CDK14: variants seen among roughly 807,000 people sequenced by gnomAD.
The protein encoded by CDK14 is cyclin-dependent kinase 14.
A neutral mutation model predicts 60.7 loss-of-function variants in CDK14; 34 were observed. That is an observed-to-expected ratio of 0.56 (90% CI 0.43 to 0.75). The LOEUF is 0.75. Among genes scored for constraint, CDK14 ranks in the 30% least tolerant of loss-of-function variants. The pLI is 0.00. For missense variants in CDK14, 482 were observed against 564.1 expected, an observed-to-expected ratio of 0.85 and a Z score of 1.47; for synonymous variants, 197 against 203.7, an observed-to-expected ratio of 0.97 and a Z score of 0.28.
intron 2 of CDK14, among the ~76,000 whole-genome samples, chr7:90,678,663 G>A (rs1342643146): frequency 1.3e-5 from 2 of 152,004 alleles, no homozygotes; most frequent in Admixed American, 1.3e-4. Flanking sequence ...TTAAAATAGA[G>A]GATTTAATGA....
chr7:90,902,165 A>G (rs2117362567), intron 7 of CDK14, among the ~76,000 whole-genome samples: 1 of 152,258 alleles, frequency 6.6e-6, no homozygotes, highest in African/African-American at 2.4e-5. Flanking sequence ...TTAAAATACC[A>G]TTCTACCAAA....
rs1265277865 is a variant in CDK14 at position 90,767,261 on chromosome 7, G to A, written c.464+19486G>A. ...CTCACTGAGTCATGCAGGCCTGGATGTCTGCCTTGGCCTATTTCTTGACCA... is the reference window on the plus strand; with the variant it reads ...CTCACTGAGTCATGCAGGCCTGGATATCTGCCTTGGCCTATTTCTTGACCA... On this transcript the variant is annotated intron_variant, in intron 4 of 14. Coordinates refer to ENST00000380050, the MANE Select transcript of CDK14 (RefSeq NM_001287135.2). 2.6e-5 allele frequency among the ~76,000 whole-genome samples: 4 copies of A among 152,204 alleles called. No individual in the cohort carries two copies. The East Asian group carries it at 7.7e-4, about 29-fold the overall frequency.
At chr7:91,172,996 G>C (rs1217765591) in intron 14 of CDK14, among the ~76,000 whole-genome samples, 1 of 152,064 alleles carries the variant, frequency 6.6e-6, no homozygotes, top group Non-Finnish European at 1.5e-5. Context: ...TTCCCATGTT[G>C]TTCTAAAATT....
At chr7:90,678,122 T>C (rs1801237348) in intron 2 of CDK14, among the ~76,000 whole-genome samples, 1 of 152,198 alleles carries the variant, frequency 6.6e-6, no homozygotes, top group South Asian at 2.1e-4. Context: ...ACAGCCTTTG[T>C]TGAGGAACAG....
At chr7:90,773,517 T>C (rs976727408) in intron 4 of CDK14, among the ~76,000 whole-genome samples, 1 of 151,978 alleles carries the variant, frequency 6.6e-6, no homozygotes, top group South Asian at 2.1e-4. Flanking sequence ...GCTTTTACTT[T>C]ATTTTTAGAG....
chr7:90,975,486 A>G (rs1795042300), intron 9 of CDK14, among the ~76,000 whole-genome samples: 1 of 151,702 alleles, frequency 6.6e-6, no homozygotes, highest in Admixed American at 6.6e-5. Flanking sequence ...TGTTGGAAAC[A>G]TTCAATATCT....
chr7:91,139,925 C>G (rs1290344711), intron 14 of CDK14, among the ~76,000 whole-genome samples: 1 of 151,504 alleles, frequency 6.6e-6, no homozygotes, highest in Non-Finnish European at 1.5e-5. Flanking sequence ...AGACGAAGTA[C>G]AGTTTCCCTA....
intron 10 of CDK14, among the ~76,000 whole-genome samples, chr7:91,008,797 T>G (rs537566275): frequency 2.0e-5 from 3 of 152,362 alleles, no homozygotes; most frequent in South Asian, 4.1e-4. Context: ...AAAGTTGTAT[T>G]CCATGTTAAA....
chr7:90,922,890 G>A (rs1404733453), intron 8 of CDK14, among the ~76,000 whole-genome samples: 2 of 152,106 alleles, frequency 1.3e-5, no homozygotes, highest in Middle Eastern at 3.4e-3. Flanking sequence ...AAATTAAACA[G>A]AAAATACAGA....
At chr7:91,181,483 G>A (rs1801999432) in intron 14 of CDK14, among the ~76,000 whole-genome samples, 1 of 152,046 alleles carries the variant, frequency 6.6e-6, no homozygotes, top group South Asian at 2.1e-4. Context: ...TCATTTCCTA[G>A]ATCCACTAAT....
At chr7:91,197,821 G>A (rs1802594064) in intron 14 of CDK14, among the ~76,000 whole-genome samples, 1 of 152,230 alleles carries the variant, frequency 6.6e-6, no homozygotes, top group Non-Finnish European at 1.5e-5. Flanking sequence ...ACATGCTATG[G>A]TGGGATAACT....
chr7:91,032,596 T>C (rs982660737), intron 10 of CDK14, among the ~76,000 whole-genome samples: 5 of 152,052 alleles, frequency 3.3e-5, no homozygotes, highest in African/African-American at 1.2e-4. Context: ...GAGGCAGAAA[T>C]TGGAGTGATG....
chr7:90,787,047 T>C (rs1371462278), intron 4 of CDK14, among the ~76,000 whole-genome samples: 1 of 152,148 alleles, frequency 6.6e-6, no homozygotes, highest in East Asian at 1.9e-4. Context: ...TGACTTAACA[T>C]TTTTACCAGG....
intron 5 of CDK14, among the ~76,000 whole-genome samples, chr7:90,844,923 C>G (rs1284259516): frequency 6.6e-6 from 1 of 152,098 alleles, no homozygotes; most frequent in African/African-American, 2.4e-5. Context: ...TTAGCTCTGG[C>G]TTCATTCTAA....
intron 6 of CDK14, among the ~76,000 whole-genome samples, chr7:90,894,758 T>C (rs767150294): frequency 6.6e-5 from 10 of 152,326 alleles, no homozygotes; most frequent in Middle Eastern, 3.4e-3. Flanking sequence ...ATACATGCCA[T>C]ATATATAACA....
At chr7:90,806,179 C>A (rs944340370) in intron 5 of CDK14, among the ~76,000 whole-genome samples, 8 of 152,104 alleles carry the variant, frequency 5.3e-5, no homozygotes, top group Non-Finnish European at 1.0e-4. Context: ...AAAGTTAAAA[C>A]TTCTGGAAGG....
chr7:90,857,734 A>T (rs976656870), intron 5 of CDK14, among the ~76,000 whole-genome samples: 2 of 152,188 alleles, frequency 1.3e-5, no homozygotes, highest in Admixed American at 1.3e-4. Flanking sequence ...TGGCTCTAGA[A>T]CTTGTAGGTG....
At chr7:90,746,763 T>C (rs1803608483) in intron 3 of CDK14, among the ~76,000 whole-genome samples, 1 of 152,060 alleles carries the variant, frequency 6.6e-6, no homozygotes, top group African/African-American at 2.4e-5. Flanking sequence ...CACTCTCTCT[T>C]AGCATTTTTT....
rs142683797 is a variant in CDK14 at position 90,707,021 on chromosome 7, A to G, written c.124-19546A>G. ...TTCACTGAGGGCACTGCCCCCAATAAATTGTAAGATCTGGGCCCAGCTCTG... is the reference window on the plus strand; with the variant it reads ...TTCACTGAGGGCACTGCCCCCAATAGATTGTAAGATCTGGGCCCAGCTCTG... On this transcript the variant is annotated intron_variant, in intron 2 of 14. Transcript: ENST00000380050. Among the ~76,000 whole-genome samples, 481 of 152,072 alleles carry G rather than the reference A, an allele frequency of 3.2e-3. 5 individuals carry two copies. Among genetic ancestry groups the G allele is most frequent in the African/African-American group, 0.011 (458 of 41,472 alleles).
Sources: gnomAD v4.1 joint callset for allele counts (sites outside exome capture counted in the v4.1 genomes callset) on GRCh38, gnomAD v4.1.1 for gene constraint, MANE v1.5 for transcripts, NCBI Gene and HGNC (gene_info 2026-07-23, HGNC 2026-07-21) for gene names.